Variants in FRMD4A observed in about 807,000 individuals in gnomAD.
FRMD4A encodes the protein FERM domain containing 4A.
A neutral mutation model predicts 129.1 loss-of-function variants in FRMD4A; 29 were observed. That is an observed-to-expected ratio of 0.22 (90% CI 0.17 to 0.31). The LOEUF is 0.31. FRMD4A is among the 10% of genes least tolerant of loss of function. The pLI is 1.00. For missense variants in FRMD4A, 1,272 were observed against 1,375.8 expected (o/e 0.92, Z 1.19); for synonymous variants, 634 against 571.6 (o/e 1.11, Z -1.56).
At chr10:14,143,736 T>TC (rs995612747) in intron 2 of FRMD4A, among the ~76,000 whole-genome samples, 3 of 152,054 alleles carry the variant, frequency 2.0e-5, no homozygotes, top group African/African-American at 7.2e-5. Context: ...TGCCTCAGCC[T>TC]CCCCAGTATC....
chr10:13,962,360 T>C (rs186547443), intron 2 of FRMD4A, among the ~76,000 whole-genome samples: 58 of 152,266 alleles, frequency 3.8e-4, no homozygotes, highest in African/African-American at 1.3e-3. Flanking sequence ...GAATCAAAAA[T>C]AATAAAATGC....
chr10:13,794,479 G>A (rs562639385), intron 5 of FRMD4A, among the ~76,000 whole-genome samples: 2 of 151,948 alleles, frequency 1.3e-5, no homozygotes, highest in East Asian at 1.9e-4. Flanking sequence ...AGTGGATGAC[G>A]ATGCCACAGA....
At chr10:13,863,639 G>A (rs765169354) in intron 2 of FRMD4A, among the ~76,000 whole-genome samples, 4 of 151,910 alleles carry the variant, frequency 2.6e-5, no homozygotes, top group South Asian at 4.2e-4. Flanking sequence ...TGTCATGCAC[G>A]TGGACAGGGA....
chr10:13,965,287 G>C lies in FRMD4A; in HGVS notation c.46-106375C>G, dbSNP rs2095478723. Among the ~76,000 whole-genome samples, 4 of 152,216 alleles carry C rather than the reference G, an allele frequency of 2.6e-5. No homozygotes were observed. In the South Asian group the frequency reaches 8.3e-4, roughly 32 times the overall value. On this transcript the variant is annotated intron_variant, in intron 2 of 24. Coordinates refer to ENST00000357447, the MANE Select transcript of FRMD4A (RefSeq NM_018027.5). ...CTAGAGATCTTATCAAGATATGGCT[G>C]CATCTTATGGCACCAGGCTGTGAAG...
rs140013432 is a variant in FRMD4A at position 14,148,179 on chromosome 10, C to A, written c.45+181879G>T. Among the ~76,000 whole-genome samples the A allele has an allele frequency of 4.7e-4, 71 of 152,292 alleles. 2 individuals are homozygous for A. The East Asian group carries it at 0.011, about 24-fold the overall frequency. On this transcript the variant is annotated intron_variant, in intron 2 of 24. Coordinates refer to ENST00000357447, the MANE Select transcript of FRMD4A (RefSeq NM_018027.5). ...CAAGCATTTGATGTGCATCCACCCC[C>A]TCTTACTATTCTGGAGTCCACAAGA...
Position 13,654,406 on chromosome 10 carries a change from G to T in FRMD4A, c.3050+10C>A. On this transcript the variant is annotated intron_variant, in intron 23 of 24. Coordinates refer to ENST00000357447, the MANE Select transcript of FRMD4A (RefSeq NM_018027.5). ...GCTGACACAGTGAAGAACATAGAAG[G>T]AGAACTCACCCAGTCTGCCAGGTTA... is the stretch of plus-strand genomic sequence containing the variant. 1 of 1,557,332 alleles carries T rather than the reference G, an allele frequency of 6.4e-7. No individual in the cohort carries two copies. Among genetic ancestry groups the T allele is most frequent in the Non-Finnish European group, 8.9e-7 (1 of 1,127,922 alleles).
chr10:13,654,214 A>G (rs2081937286), intron 23 of FRMD4A: 3 of 604,178 alleles, frequency 5.0e-6, no homozygotes, highest in South Asian at 4.0e-5. Flanking sequence ...GAACACAGAC[A>G]ATTCACCTCT....
At chr10:13,933,082 T>C (rs577140875) in intron 2 of FRMD4A, among the ~76,000 whole-genome samples, 1 of 151,964 alleles carries the variant, frequency 6.6e-6, no homozygotes, top group Admixed American at 6.6e-5. Context: ...AATTGCTTGA[T>C]CCTGTGAGGC....
chr10:14,277,333 T>C (rs183623085), intron 2 of FRMD4A, among the ~76,000 whole-genome samples: 242 of 152,290 alleles, frequency 1.6e-3, no homozygotes, highest in African/African-American at 5.5e-3. Flanking sequence ...TGCAAGGTGA[T>C]GGTATTAGGA....
chr10:14,014,459 G>C (rs2131638794), intron 2 of FRMD4A, among the ~76,000 whole-genome samples: 1 of 152,214 alleles, frequency 6.6e-6, no homozygotes, highest in East Asian at 1.9e-4. Context: ...GGGGAGTTTG[G>C]AAGGGAAACC....
intron 2 of FRMD4A, among the ~76,000 whole-genome samples, chr10:14,188,186 C>T (rs763280774): frequency 6.6e-6 from 1 of 152,084 alleles, no homozygotes; most frequent in Admixed American, 6.6e-5. Flanking sequence ...CCACAAAATG[C>T]CTGGAATCAA....
chr10:14,306,572 T>A (rs1846360228), intron 2 of FRMD4A, among the ~76,000 whole-genome samples: 1 of 152,244 alleles, frequency 6.6e-6, no homozygotes. Context: ...ACACAGGCCC[T>A]CTCTACCAGG....
At chr10:13,913,406 C>T (rs751178305) in intron 2 of FRMD4A, among the ~76,000 whole-genome samples, 6 of 152,098 alleles carry the variant, frequency 3.9e-5, no homozygotes, top group African/African-American at 9.7e-5. Context: ...CACTGAATTG[C>T]GTACTTTAAT....
chr10:13,760,097 T>C (rs943199424), intron 8 of FRMD4A, among the ~76,000 whole-genome samples: 1 of 151,956 alleles, frequency 6.6e-6, no homozygotes, highest in Non-Finnish European at 1.5e-5. Context: ...TTCATATTTC[T>C]GTATCCATAA....
At chr10:13,904,541 C>T (rs986684691) in intron 2 of FRMD4A, among the ~76,000 whole-genome samples, 1 of 152,206 alleles carries the variant, frequency 6.6e-6, no homozygotes, top group African/African-American at 2.4e-5. Flanking sequence ...CACGGCAGTG[C>T]TTTGTGTTTT....
intron 2 of FRMD4A, among the ~76,000 whole-genome samples, chr10:13,933,043 C>T (rs2095215295): frequency 1.3e-5 from 2 of 152,062 alleles, no homozygotes; most frequent in Admixed American, 6.6e-5. Context: ...CATCTGTAAT[C>T]CCAGCTGCTC....
intron 2 of FRMD4A, among the ~76,000 whole-genome samples, chr10:14,302,077 G>A (rs375492417): frequency 1.2e-3 from 182 of 152,246 alleles, no homozygotes; most frequent in African/African-American, 4.2e-3. Context: ...TAATGGAAAG[G>A]GTTTGATTTT....
chr10:14,168,788 G>C (rs11258909), intron 2 of FRMD4A, among the ~76,000 whole-genome samples: 17,284 of 152,072 alleles, frequency 0.11, 1,526 homozygotes, highest in African/African-American at 0.24. Flanking sequence ...ATGTTATACA[G>C]AAAAAAACTG....
chr10:14,229,509 C>T (rs1230476802), intron 2 of FRMD4A, among the ~76,000 whole-genome samples: 1 of 152,192 alleles, frequency 6.6e-6, no homozygotes, highest in Admixed American at 6.5e-5. Flanking sequence ...GCAATTGTAG[C>T]TCACTGCAGC....
Sources: allele counts gnomAD v4.1 joint callset (sites outside exome capture counted in the v4.1 genomes callset), GRCh38; gene constraint gnomAD v4.1.1; transcripts MANE v1.5; gene names NCBI Gene and HGNC (gene_info 2026-07-23, HGNC 2026-07-21).